The following FN1 variants were observed in gnomAD, a reference collection of about 807,000 sequenced individuals.
The protein encoded by FN1 is fibronectin.
FN1 carries 106 observed loss-of-function variants against 297.3 expected under a neutral mutation model. That is an observed-to-expected ratio of 0.36 (90% CI 0.30 to 0.42). The LOEUF (loss-of-function observed/expected upper bound fraction) is 0.42, where lower values mean the gene tolerates loss of function less well. FN1 is among the 10% of genes least tolerant of loss of function. The pLI, the probability that FN1 is intolerant of heterozygous loss-of-function variation, is 1.00. For missense variants in FN1, 2,690 were observed against 3,124.9 expected (o/e 0.86, Z 3.32); for synonymous variants, 1,149 against 1,152.6 (o/e 1.00, Z 0.06).
In FN1 at chr2:215,386,868, C is replaced by G; in HGVS notation, c.4433G>C (p.Gly1478Ala). 1.2e-6 allele frequency: 2 copies of G among 1,613,766 alleles called. No individual in the cohort carries two copies. Among genetic ancestry groups the G allele is most frequent in the Non-Finnish European group, 1.7e-6 (2 of 1,179,948 alleles). The change falls in exon 28 of 46, where the codon GGC becomes GCC. Residue 1478 changes from glycine (G) to alanine (A), a missense_variant. By Grantham distance (60) the Gly-to-Ala change is moderately conservative. Coordinates refer to ENST00000354785, the MANE Select transcript of FN1 (RefSeq NM_212482.4). ...HWIAPRATIT[G>A]YRIRHHPEHF... ...CTCGGGATGATGGCGGATCCTGTAG[C>G]CAGTGATGGTGGCTCGAGGAGCAAT...
intron 28 of FN1, among the ~76,000 whole-genome samples, chr2:215,385,584 A>G (rs1487494651): frequency 6.9e-6 from 1 of 145,140 alleles, no homozygotes; most frequent in Non-Finnish European, 1.5e-5. Flanking sequence ...AAAAAAAAAA[A>G]AGTAATACAA....
At chr2:215,424,672 T>C (rs2065026139) in intron 7 of FN1, among the ~76,000 whole-genome samples, 1 of 152,228 alleles carries the variant, frequency 6.6e-6, no homozygotes, top group African/African-American at 2.4e-5. Flanking sequence ...ATAAAATTAA[T>C]ATATGAGACT....
intron 20 of FN1, among the ~76,000 whole-genome samples, chr2:215,400,662 G>A (rs994608332): frequency 8.1e-6 from 1 of 123,076 alleles, no homozygotes; most frequent in Non-Finnish European, 1.6e-5. Context: ...TGAGGCAGGA[G>A]AATCACCTGA....
At chr2:215,423,990 G>T (rs1490428961) in intron 8 of FN1, among the ~76,000 whole-genome samples, 156 bp downstream of exon 8, 7 of 152,188 alleles carry the variant, frequency 4.6e-5, no homozygotes, top group African/African-American at 1.7e-4. Flanking sequence ...AGAATCCTCA[G>T]CTGTTACGTG....
At chr2:215,362,901 C>G (rs142545267) in intron 44 of FN1, 1 of 152,394 alleles carries the variant, frequency 6.6e-6, no homozygotes, top group Non-Finnish European at 1.5e-5. Flanking sequence ...AAGAGGGAGT[C>G]CGGGCGCCAT....
rs897853314 is a variant in FN1, at chr2:215,387,667, C to T, written c.4342+545G>A. Among the ~76,000 whole-genome samples the T allele has an allele frequency of 1.5e-4, 23 of 152,076 alleles. 1 individual carries two copies. Among genetic ancestry groups the T allele is most frequent in the Admixed American group, 1.5e-3 (23 of 15,262 alleles). On this transcript the variant is annotated intron_variant, in intron 27 of 45. Transcript: ENST00000354785. ...TAGTTCTTTTCAATAAGAAACCAAA[C>T]TAAGATATCATAAGTCCTTTTTGGA... is the stretch of plus-strand genomic sequence containing the variant.
intron 28 of FN1, among the ~76,000 whole-genome samples, chr2:215,386,368 C>T (rs1041230348): frequency 1.1e-4 from 17 of 151,988 alleles, no homozygotes; most frequent in African/African-American, 3.9e-4. Context: ...TGAGCCACCC[C>T]GTCCGGCCAA....
intron 44 of FN1, 120 bp from the exon 45 acceptor site, chr2:215,362,199 A>G (rs2053601088): frequency 2.7e-6 from 2 of 727,680 alleles, no homozygotes; most frequent in Non-Finnish European, 2.5e-6. Context: ...TAAGCAGTTA[A>G]TCACTAAGCA....
At chr2:215,367,096 G>C (rs1159975382) in intron 42 of FN1, among the ~76,000 whole-genome samples, 1 of 152,066 alleles carries the variant, frequency 6.6e-6, no homozygotes. Context: ...TATGTCTATA[G>C]GAGGCTTATT....
Position 215,381,029 on chromosome 2 carries a change from A to G in FN1, c.5216T>C (p.Ile1739Thr). The G allele has an allele frequency of 6.2e-7, 1 of 1,614,236 alleles. No individual in the cohort carries two copies. Among genetic ancestry groups the G allele is most frequent in the Non-Finnish European group, 8.5e-7 (1 of 1,180,038 alleles). The change falls in exon 33 of 46, where the codon ATC becomes ACC. Residue 1739 changes from isoleucine to threonine, a missense_variant. Around this residue, in one of 3 missense-constraint regions of FN1, gnomAD observed 1,743 missense variants for 1,945.2 expected, o/e 0.90. Coordinates refer to ENST00000354785, the MANE Select transcript of FN1 (RefSeq NM_212482.4). ...LAFTDVDVDS[I>T]KIAWESPQGQ... ...CTGTGGGCTTTCCCAAGCAATTTTG[A>G]TGGAATCGACATCCACATCAGTGAA...
In FN1 at chr2:215,361,318, T is replaced by A. The variant is rs1247143929; in HGVS notation, c.*237A>T. On this transcript the variant is annotated 3_prime_UTR_variant, in exon 46 of 46. Coordinates refer to ENST00000354785, the MANE Select transcript of FN1 (RefSeq NM_212482.4). Reference sequence around the variant, plus strand: ...ACTTCATTTAAAATACTGAGCGGTATTGAATACTTCGAAGCAGAACAGGCA... The same window carrying A: ...ACTTCATTTAAAATACTGAGCGGTAATGAATACTTCGAAGCAGAACAGGCA... 3.7e-6 allele frequency: 2 copies of A among 537,886 alleles called. No individual in the cohort carries two copies. Among genetic ancestry groups the A allele is most frequent in the Non-Finnish European group, 6.7e-6 (2 of 298,560 alleles). 33.3% of individuals were successfully genotyped at this position (537,886 alleles called of 1,614,324 possible).
rs751220916 is a variant in FN1, at chr2:215,404,464, A to T, written c.3178T>A (p.Ser1060Thr). 5 of 1,614,012 alleles carry T rather than the reference A, an allele frequency of 3.1e-6. No individual in the cohort carries two copies. In the African/African-American group the frequency reaches 5.3e-5, roughly 17 times the overall value. ...GCCACGAGGGATACGGTGTACTCAGATGCAGGCTGCAGATTCCTCAGTGGG... is the reference window on the plus strand; with the variant it reads ...GCCACGAGGGATACGGTGTACTCAGTTGCAGGCTGCAGATTCCTCAGTGGG... The part of the protein sequence containing the change: ...KYPLRNLQPA[S>T]EYTVSLVAIK... The change falls in exon 20 of 46, where the codon TCT becomes ACT. Residue 1060 changes from serine to threonine, a missense_variant. Transcript: ENST00000354785.
At position 215,435,770 on chromosome 2, in the gene FN1, C is replaced by T. The variant is rs886181869; in HGVS notation, c.33G>A (p.Leu11=). 22 of 1,584,968 alleles carry T rather than the reference C, an allele frequency of 1.4e-5. No individual in the cohort carries two copies. The highest frequency in any genetic ancestry group is 1.9e-5 in the Non-Finnish European group (22 of 1,167,236). The change falls in exon 1 of 46, where the codon CTG becomes CTA. Residue 11 remains leucine (L), a synonymous_variant. Transcript: ENST00000354785. MLRGPGPGLL[L]LAVQCLGTAV... ...CTGTCCCCAGGCACTGGACGGCCAG[C>T]AGCAGCAGCCCGGGCCCCGGACCCC...
chr2:215,367,693 CCAT>C (rs1407114751), intron 42 of FN1, 167 bp downstream of exon 42: 2 of 699,142 alleles, frequency 2.9e-6, no homozygotes, highest in Non-Finnish European at 5.0e-6. Flanking sequence ...GTAAAATTTC[CCAT>C]CATTTTTCTA....
intron 39 of FN1, among the ~76,000 whole-genome samples, 170 bp downstream of exon 39, chr2:215,373,152 T>C (rs2056570989): frequency 6.6e-6 from 1 of 152,190 alleles, no homozygotes; most frequent in South Asian, 2.1e-4. Context: ...CTGCAGTGCA[T>C]GTTAAATTAT....
intron 24 of FN1, 42 bp downstream of exon 24, chr2:215,394,486 T>C: frequency 1.4e-6 from 2 of 1,481,416 alleles, no homozygotes. Flanking sequence ...CCACTCTTAT[T>C]GGAAGTGTCA....
Position 215,416,415 on chromosome 2 carries a change from C to T in FN1, c.1820-1457G>A, listed in dbSNP as rs185994870. Among the ~76,000 whole-genome samples, 63 of 152,250 alleles carry T rather than the reference C, an allele frequency of 4.1e-4. No homozygotes were observed. The East Asian group carries it at 0.012, about 28-fold the overall frequency. On this transcript the variant is annotated intron_variant, in intron 12 of 45. Coordinates refer to ENST00000354785, the MANE Select transcript of FN1 (RefSeq NM_212482.4). ...TTCCATGCCTATCTTTGAATTACCC[C>T]TTCTGTTTATGAAGATCCTTACAAA...
intron 44 of FN1, among the ~76,000 whole-genome samples, chr2:215,363,885 A>G (rs2054010940): frequency 1.3e-5 from 2 of 152,218 alleles, no homozygotes; most frequent in South Asian, 4.1e-4. Flanking sequence ...ATGGGTTGCC[A>G]AGGCCCTCCA....
chr2:215,382,467 CTT>C, intron 31 of FN1, 142 bp from the exon 32 acceptor site: 1 of 676,650 alleles, frequency 1.5e-6, no homozygotes, highest in Admixed American at 2.1e-5. Context: ...GAGAGTCAGA[CTT>C]TGATTTCCTC....
Sources: allele counts gnomAD v4.1 joint callset (sites outside exome capture counted in the v4.1 genomes callset), GRCh38; gene constraint gnomAD v4.1.1; regional missense constraint gnomAD v4.1.1; transcripts MANE v1.5; gene names NCBI Gene and HGNC (gene_info 2026-07-23, HGNC 2026-07-21).